The following AFG2A variants were observed in gnomAD, a reference collection of about 807,000 sequenced individuals.
AFG2A encodes AAA ATPase AFG2A.
At chr4:123,041,267 C>T in the AFG2A span, among the ~76,000 whole-genome samples, 85 of 129,512 alleles carry the variant, frequency 6.6e-4, no homozygotes, top group African/African-American at 2.1e-3. Flanking sequence ...CCCGCCACCA[C>T]GCCCAGCTAA....
At chr4:123,114,725 G>A in the AFG2A span, among the ~76,000 whole-genome samples, 1 of 152,216 alleles carries the variant, frequency 6.6e-6, no homozygotes. Context: ...ACTCATAAGG[G>A]GCAGAGCTCC....
chr4:123,171,303 G>A, the AFG2A span, among the ~76,000 whole-genome samples: 1 of 151,886 alleles, frequency 6.6e-6, no homozygotes, highest in African/African-American at 2.4e-5. Context: ...TGTCAGGATG[G>A]GTTTTTTTAA....
chr4:123,017,531 T>G, the AFG2A span, among the ~76,000 whole-genome samples: 1 of 151,038 alleles, frequency 6.6e-6, no homozygotes, highest in East Asian at 2.0e-4. Context: ...TGCTTCCTAA[T>G]CTTGCTTTAT....
the AFG2A span, among the ~76,000 whole-genome samples, chr4:123,110,225 A>C: frequency 6.6e-6 from 1 of 152,162 alleles, no homozygotes; most frequent in Admixed American, 6.5e-5. Flanking sequence ...ATTTCTCATA[A>C]AAGTTCTCTT....
the AFG2A span, among the ~76,000 whole-genome samples, chr4:123,307,165 T>C: frequency 6.6e-6 from 1 of 152,332 alleles, no homozygotes; most frequent in East Asian, 1.9e-4. Flanking sequence ...TTCCAGACTT[T>C]ATCTACTTTT....
At chr4:123,003,863 G>A in the AFG2A span, among the ~76,000 whole-genome samples, 1,833 of 152,296 alleles carry the variant, frequency 0.012, 42 homozygotes, top group African/African-American at 0.041. Flanking sequence ...ATTTAAGTCT[G>A]CAGAGGTTAC....
the AFG2A span, among the ~76,000 whole-genome samples, chr4:123,143,860 A>G: frequency 5.3e-5 from 8 of 151,336 alleles, no homozygotes; most frequent in South Asian, 1.7e-3. Context: ...TTTAACCTGA[A>G]AGGACATTTA....
chr4:123,042,305 A>C, the AFG2A span, among the ~76,000 whole-genome samples: 1 of 152,080 alleles, frequency 6.6e-6, no homozygotes, highest in East Asian at 1.9e-4. Context: ...TCATGTGGTC[A>C]TCTTGACATA....
At chr4:123,117,311 T>C in the AFG2A span, among the ~76,000 whole-genome samples, 1 of 151,800 alleles carries the variant, frequency 6.6e-6, no homozygotes, top group African/African-American at 2.4e-5. Context: ...AGTGGAAGGA[T>C]GTATATGTAA....
the AFG2A span, among the ~76,000 whole-genome samples, chr4:123,298,900 G>C: frequency 6.6e-6 from 1 of 152,126 alleles, no homozygotes; most frequent in East Asian, 1.9e-4. Flanking sequence ...AAAATATTTT[G>C]TTTCAGCATG....
chr4:122,937,450 A>G, the AFG2A span, among the ~76,000 whole-genome samples: 1 of 152,054 alleles, frequency 6.6e-6, no homozygotes, highest in Non-Finnish European at 1.5e-5. Context: ...CAGCCTCCCA[A>G]AATGCTGGCT....
chr4:123,169,108 A>G, the AFG2A span, among the ~76,000 whole-genome samples: 5,302 of 152,294 alleles, frequency 0.035, 134 homozygotes, highest in Middle Eastern at 0.082. Context: ...GGGGAAGGAC[A>G]AAGTAATAGC....
At chr4:123,160,457 A>G in the AFG2A span, among the ~76,000 whole-genome samples, 2 of 152,162 alleles carry the variant, frequency 1.3e-5, no homozygotes. Context: ...TGCCCCTTCC[A>G]AAGACCAGGC....
chr4:123,277,918 A>G, the AFG2A span, among the ~76,000 whole-genome samples: 509 of 152,168 alleles, frequency 3.3e-3, 4 homozygotes, highest in African/African-American at 0.012. Context: ...TATCAAGTAT[A>G]TTGGCCTTAA....
the AFG2A span, among the ~76,000 whole-genome samples, chr4:123,197,770 A>AAAATAAAT: frequency 0.012 from 1,838 of 149,490 alleles, 35 homozygotes; most frequent in Middle Eastern, 0.017. Context: ...TCCATCTCAA[A>AAAATAAAT]AAATAAATAA....
the AFG2A span, among the ~76,000 whole-genome samples, chr4:123,012,806 CT>C: frequency 2.6e-5 from 4 of 152,302 alleles, no homozygotes; most frequent in South Asian, 6.2e-4. Flanking sequence ...CGCTTACCGA[CT>C]TTAAAATTGG....
the AFG2A span, among the ~76,000 whole-genome samples, chr4:123,176,917 G>A: frequency 6.6e-6 from 1 of 152,108 alleles, no homozygotes; most frequent in Non-Finnish European, 1.5e-5. Flanking sequence ...CCCCCAAAAG[G>A]AATGAGCTGT....
At chr4:122,996,976 C>T in the AFG2A span, among the ~76,000 whole-genome samples, 1 of 152,140 alleles carries the variant, frequency 6.6e-6, no homozygotes, top group Non-Finnish European at 1.5e-5. Context: ...TTGGATGGTG[C>T]CTGCCCACAT....
At chr4:122,926,449 C>T in the AFG2A span, among the ~76,000 whole-genome samples, 1 of 152,124 alleles carries the variant, frequency 6.6e-6, no homozygotes, top group Non-Finnish European at 1.5e-5. Flanking sequence ...GTGTTCATTT[C>T]GTTTTATACT....
Sources: allele counts gnomAD v4.1 joint callset (sites outside exome capture counted in the v4.1 genomes callset), GRCh38; gene constraint gnomAD v4.1.1; transcripts MANE v1.5; gene names NCBI Gene and HGNC (gene_info 2026-07-23, HGNC 2026-07-21).